CFAP43: variants seen among roughly 807,000 people sequenced by gnomAD.
CFAP43 encodes the protein cilia- and flagella-associated protein 43.
CFAP43 carries 155 observed loss-of-function variants against 218.9 expected under a neutral mutation model. The observed-to-expected ratio is 0.71, with a 90% confidence interval of 0.62 to 0.81. The LOEUF (loss-of-function observed/expected upper bound fraction) is 0.81, where lower values mean the gene tolerates loss of function less well. Ranked by LOEUF, CFAP43 falls within the 30% of genes least tolerant of loss-of-function variation. The probability of loss-of-function intolerance (pLI) is 0.00; values close to 1 mark genes in which losing one functional copy is unlikely to be tolerated. For synonymous variants in CFAP43, 645 were observed against 681.3 expected, an observed-to-expected ratio of 0.95 and a Z score of 0.83; for missense variants, 1,778 against 1,954.3, an observed-to-expected ratio of 0.91 and a Z score of 1.70.
intron 23 of CFAP43, among the ~76,000 whole-genome samples, chr10:104,164,649 C>T (rs1005768459): frequency 2.0e-5 from 3 of 152,178 alleles, no homozygotes; most frequent in Admixed American, 1.3e-4. Context: ...CCACCTGCCT[C>T]GGCCTCCCAA....
intron 33 of CFAP43, among the ~76,000 whole-genome samples, chr10:104,141,767 T>C (rs1564713983): frequency 6.6e-6 from 1 of 152,226 alleles, no homozygotes; most frequent in Non-Finnish European, 1.5e-5. Context: ...CTAAAAATGA[T>C]GTGTTCTCAA....
chr10:104,214,555 T>A, intron 3 of CFAP43, 129 bp from the exon 4 acceptor site: 2 of 795,420 alleles, frequency 2.5e-6, no homozygotes, highest in Non-Finnish European at 3.7e-6. Context: ...TCAATGACCT[T>A]AATGTCAAAT....
In CFAP43 at chr10:104,130,214, A is replaced by C; in HGVS notation, c.4923T>G (p.Ala1641=). 1 of 1,613,094 alleles carries C rather than the reference A, an allele frequency of 6.2e-7. No individual in the cohort carries two copies. The highest frequency in any genetic ancestry group is 8.5e-7 in the Non-Finnish European group (1 of 1,179,750). Residue 1641 remains alanine (A), a synonymous_variant, in exon 38 of 38, where the codon GCT becomes GCG. Transcript: ENST00000357060. ...CAGTCTGTAGTATTGAAATCTGTTC[A>C]GCTTGTTGTTTTGAAATATTTGTTA... ...QKLTNISKQQ[A]EQISILQTEV...
chr10:104,180,589 G>C lies in CFAP43; in HGVS notation c.2290-657C>G, dbSNP rs970390402. 2.0e-5 allele frequency among the ~76,000 whole-genome samples: 3 copies of C among 151,840 alleles called. No homozygotes were observed. In the East Asian group the frequency reaches 5.8e-4, roughly 29 times the overall value. ...GCCTCCTGAGTAGCTGGGACTACAGGTGCGTGCCACCACACCTGGCTAATC... is the reference window on the plus strand; with the variant it reads ...GCCTCCTGAGTAGCTGGGACTACAGCTGCGTGCCACCACACCTGGCTAATC... On this transcript the variant is annotated intron_variant, in intron 17 of 37. Transcript: ENST00000357060.
At chr10:104,221,821 G>A (rs563287122) in intron 3 of CFAP43, among the ~76,000 whole-genome samples, 5 of 152,150 alleles carry the variant, frequency 3.3e-5, no homozygotes, top group Non-Finnish European at 5.9e-5. Flanking sequence ...TCTCATGGGG[G>A]TTGCTGCAGG....
intron 1 of CFAP43, among the ~76,000 whole-genome samples, chr10:104,231,222 T>C (rs2091440390): frequency 6.6e-6 from 1 of 152,228 alleles, no homozygotes; most frequent in Non-Finnish European, 1.5e-5. Context: ...TGGGCCATTC[T>C]TTTATAATTA....
intron 4 of CFAP43, among the ~76,000 whole-genome samples, chr10:104,213,293 G>T (rs531303260): frequency 6.6e-6 from 1 of 152,224 alleles, no homozygotes; most frequent in East Asian, 1.9e-4. Context: ...GAATACTTTT[G>T]AGATCTCTTA....
chr10:104,181,242 C>T (rs1413460212), intron 17 of CFAP43, among the ~76,000 whole-genome samples: 2 of 152,068 alleles, frequency 1.3e-5, no homozygotes, highest in Non-Finnish European at 2.9e-5. Flanking sequence ...TTCTTGGGCC[C>T]TTTCTTTTCC....
rs201403671 is a variant in CFAP43, at chr10:104,218,843, T to C, written c.417-4417A>G. 986 of 533,230 alleles carry C rather than the reference T, an allele frequency of 1.8e-3. 21 individuals carry two copies. Among genetic ancestry groups the C allele is most frequent in the South Asian group, 0.011 (772 of 69,302 alleles). 33.0% of individuals were successfully genotyped at this position (533,230 alleles called of 1,614,324 possible). ...CTCATCTCTACTATTTAACCCATTA[T>C]AGACCAGAGATGAGAGAAACACCCT... On this transcript the variant is annotated intron_variant, in intron 3 of 37. Transcript: ENST00000357060.
intron 12 of CFAP43, 45 bp downstream of exon 12, chr10:104,192,154 T>C: frequency 1.4e-6 from 2 of 1,400,300 alleles, no homozygotes; most frequent in Non-Finnish European, 2.0e-6. Context: ...CTTAAATTCT[T>C]TGAAATAATC....
Position 104,140,939 on chromosome 10 carries a change from C to T in CFAP43, c.4334G>A (p.Gly1445Glu). The T allele has an allele frequency of 6.2e-7, 1 of 1,613,386 alleles. No individual in the cohort carries two copies. Among genetic ancestry groups the T allele is most frequent in the Non-Finnish European group, 8.5e-7 (1 of 1,179,768 alleles). ...NLTIQILLKQ[G>E]QVELENFQLV... ...CTGGAAATTTTCCAGTTCTACTTGT[C>T]CTTGTTTAAGAAGAATTTGGATTGT... Residue 1445 changes from glycine (G) to glutamate (E), a missense_variant, in exon 34 of 38, where the codon GGA becomes GAA. This residue lies in a region of CFAP43 where 14 missense variants were observed against 38.5 expected (regional missense o/e 0.36). Transcript: ENST00000357060.
At chr10:104,142,485 A>G (rs971267536) in intron 32 of CFAP43, 92 bp from the exon 33 acceptor site, 2 of 832,318 alleles carry the variant, frequency 2.4e-6, no homozygotes, top group Non-Finnish European at 3.7e-6. Context: ...TAAAAACCTT[A>G]ACAGGTCTAT....
chr10:104,231,814 G>A (rs944950700), intron 1 of CFAP43, among the ~76,000 whole-genome samples: 4 of 152,198 alleles, frequency 2.6e-5, no homozygotes, highest in African/African-American at 9.6e-5. Flanking sequence ...ACGGGATCCG[G>A]GCTGTCGCCA....
chr10:104,135,618 A>G (rs1341579123), intron 34 of CFAP43, among the ~76,000 whole-genome samples: 2 of 152,304 alleles, frequency 1.3e-5, no homozygotes, highest in East Asian at 3.9e-4. Context: ...TAATAAATCA[A>G]TTCCATTTAC....
At chr10:104,140,725 A>C in intron 34 of CFAP43, 117 bp downstream of exon 34, 1 of 703,774 alleles carries the variant, frequency 1.4e-6, no homozygotes, top group Non-Finnish European at 2.2e-6. Flanking sequence ...AGGTGGGAGG[A>C]TCTATTGAGC....
intron 21 of CFAP43, among the ~76,000 whole-genome samples, chr10:104,168,536 TG>T (rs1334454534): frequency 2.0e-5 from 3 of 152,082 alleles, no homozygotes; most frequent in Non-Finnish European, 4.4e-5. Context: ...TCTTCAGAAA[TG>T]CTGGCTGGGA....
chr10:104,146,287 A>T lies in CFAP43; in HGVS notation c.3831T>A (p.Tyr1277Ter), dbSNP rs138423878. 6.2e-7 allele frequency: 1 copy of T among 1,613,804 alleles called. No individual in the cohort carries two copies. Among genetic ancestry groups the T allele is most frequent in the East Asian group, 2.2e-5 (1 of 44,862 alleles). ...REDLDVCKEH[Y>*]DNLLAEDKVM... ...CTTTGTCTTCTGCCAGTAAGTTGTC[A>T]TAGTGCTCCTTGCACACATCCAGGT... The change falls in exon 30 of 38, where the codon TAT becomes TAA. Residue 1277 changes from tyrosine (Y) to a stop codon, truncating the protein, a stop_gained. Coordinates refer to ENST00000357060, the MANE Select transcript of CFAP43 (RefSeq NM_025145.7). LOFTEE classifies it high-confidence loss of function.
intron 5 of CFAP43, among the ~76,000 whole-genome samples, chr10:104,209,601 G>A (rs2090791925): frequency 2.6e-5 from 4 of 152,162 alleles, no homozygotes. Flanking sequence ...AATTTTAAAT[G>A]TTTTATGCAG....
chr10:104,161,081 TC>T lies in CFAP43; in HGVS notation c.3495del (p.Val1168Ter), dbSNP rs1303587490. On this transcript the variant is annotated frameshift_variant, in exon 27 of 38. Transcript: ENST00000357060. LOFTEE classifies it high-confidence loss of function. ...TCTTCATTTAACTCCTTTACTTTTT[TC>T]TCATAATCTTTGAATTGTTTTCTTT... ...EEERKQFKDYEKKVKELNEER... is the reference protein window; with the variant it reads ...EEERKQFKDYXKKVKELNEER... 1.1e-5 allele frequency: 18 copies of T among 1,613,048 alleles called. No homozygotes were observed. In the African/African-American group the frequency reaches 2.1e-4, roughly 19 times the overall value.
Sources: allele counts gnomAD v4.1 joint callset (sites outside exome capture counted in the v4.1 genomes callset), GRCh38; gene constraint gnomAD v4.1.1; regional missense constraint gnomAD v4.1.1; transcripts MANE v1.5; gene names NCBI Gene and HGNC (gene_info 2026-07-23, HGNC 2026-07-21).